NLRP8: variants seen among roughly 807,000 people sequenced by gnomAD.
NLRP8 encodes NLR family pyrin domain containing 8, also known as NACHT, LRR and PYD domains-containing protein 8.
In NLRP8, 86 loss-of-function variants were observed where a neutral mutation model predicts 88.7. The ratio of observed to expected loss-of-function variants is 0.97; its 90% CI spans 0.81 to 1.16. The LOEUF is 1.16. NLRP8 is among the 50% of genes most tolerant of loss of function. The probability of loss-of-function intolerance (pLI) is 0.00; values close to 1 mark genes in which losing one functional copy is unlikely to be tolerated. For synonymous variants in NLRP8, 504 were observed against 494.6 expected, an observed-to-expected ratio of 1.02 and a Z score of -0.25; for missense variants, 1,342 against 1,286.5, an observed-to-expected ratio of 1.04 and a Z score of -0.66.
rs1022876711 is a variant in NLRP8 at position 55,988,445 on chromosome 19, T to C, written c.*532T>C. On this transcript the variant is annotated 3_prime_UTR_variant, in exon 10 of 10. Transcript: ENST00000291971. ...ACATAAATATATATATGTGTGTGTG[T>C]ATATATATATATATATATATATATG... 6.2e-5 allele frequency: 6 copies of C among 97,280 alleles called. No individual in the cohort carries two copies. The highest frequency in any genetic ancestry group is 6.0e-4 in the Admixed American group (5 of 8,322). The allele number at this position is 97,280 out of a possible 1,614,324, so 6.0% of individuals were successfully genotyped here.
At chr19:55,975,253 C>T (rs1241406846) in intron 7 of NLRP8, among the ~76,000 whole-genome samples, 1 of 152,184 alleles carries the variant, frequency 6.6e-6, no homozygotes, top group African/African-American at 2.4e-5. Context: ...TAGTAACTCT[C>T]AGCAAATGTT....
chr19:55,964,997 G>T (rs929392237), intron 4 of NLRP8, among the ~76,000 whole-genome samples: 1 of 152,098 alleles, frequency 6.6e-6, no homozygotes, highest in Non-Finnish European at 1.5e-5. Flanking sequence ...TAGAAAAGGC[G>T]TGTGATGGCC....
intron 6 of NLRP8, among the ~76,000 whole-genome samples, chr19:55,973,266 G>A (rs747713823): frequency 1.1e-4 from 16 of 152,084 alleles, no homozygotes; most frequent in East Asian, 3.9e-4. Context: ...TTGTCTATTC[G>A]TGTCCTTAGC....
intron 3 of NLRP8, among the ~76,000 whole-genome samples, chr19:55,957,711 A>G (rs1600301082): frequency 3.3e-5 from 2 of 60,246 alleles, no homozygotes; most frequent in South Asian, 1.4e-3. Flanking sequence ...ATATATATAT[A>G]TATATATATA....
rs377367824 is a variant in NLRP8, at chr19:55,966,322, G to T, written c.2323G>T (p.Ala775Ser). The T allele has an allele frequency of 6.2e-7, 1 of 1,614,146 alleles. No individual in the cohort carries two copies. Among genetic ancestry groups the T allele is most frequent in the Non-Finnish European group, 8.5e-7 (1 of 1,179,992 alleles). Residue 775 changes from alanine to serine, a missense_variant, in exon 5 of 10, where the codon GCT (alanine) becomes TCT (serine). Ala to Ser is a moderately conservative substitution (Grantham distance 99, BLOSUM62 1). Coordinates refer to ENST00000291971, the MANE Select transcript of NLRP8 (RefSeq NM_176811.2). ...ACAACATGTGGAAGTGGAGTCCAAA[G>T]CTGTGAAGCTTCTATGCAGGGTGCT...
At chr19:55,981,872 G>C (rs1980586763) in intron 9 of NLRP8, among the ~76,000 whole-genome samples, 1 of 151,130 alleles carries the variant, frequency 6.6e-6, no homozygotes, top group African/African-American at 2.4e-5. Context: ...ACAATGTAAT[G>C]ATCAGGTATC....
intron 9 of NLRP8, among the ~76,000 whole-genome samples, chr19:55,982,310 T>C (rs981322828): frequency 3.9e-5 from 6 of 152,122 alleles, no homozygotes; most frequent in African/African-American, 1.4e-4. Context: ...CCCAAAGAAA[T>C]CAGTAAATCA....
intron 8 of NLRP8, among the ~76,000 whole-genome samples, chr19:55,976,849 GT>G (rs1568468297): frequency 6.9e-6 from 1 of 144,546 alleles, no homozygotes; most frequent in South Asian, 2.2e-4. Context: ...GGAGGCTGAG[GT>G]GGGGCGGATC....
At chr19:55,962,866 G>A (rs1979675583) in intron 4 of NLRP8, among the ~76,000 whole-genome samples, 1 of 152,136 alleles carries the variant, frequency 6.6e-6, no homozygotes, top group Non-Finnish European at 1.5e-5. Flanking sequence ...AAGCCCACAG[G>A]ACCGTACCTG....
intron 4 of NLRP8, 80 bp downstream of exon 4, chr19:55,962,317 A>T: frequency 1.4e-6 from 2 of 1,428,998 alleles, no homozygotes. Flanking sequence ...TTCCCTCTCC[A>T]CTCACACTAG....
intron 1 of NLRP8, among the ~76,000 whole-genome samples, chr19:55,950,117 A>G (rs1979024091): frequency 6.6e-6 from 1 of 152,034 alleles, no homozygotes; most frequent in East Asian, 1.9e-4. Flanking sequence ...CCTGATGAAA[A>G]ATACACAGAG....
At chr19:55,965,985 GAA>G (rs1979820119) in intron 4 of NLRP8, among the ~76,000 whole-genome samples, 2 of 152,166 alleles carry the variant, frequency 1.3e-5, no homozygotes, top group South Asian at 4.1e-4. Flanking sequence ...ACTGGATAAA[GAA>G]AATGTAGCCA....
At chr19:55,954,279 C>T (rs1979228280) in intron 2 of NLRP8, among the ~76,000 whole-genome samples, 1 of 152,178 alleles carries the variant, frequency 6.6e-6, no homozygotes, top group Admixed American at 6.5e-5. Flanking sequence ...ATACTTCTCA[C>T]GTAGAAAGCA....
intron 9 of NLRP8, among the ~76,000 whole-genome samples, chr19:55,981,119 A>G (rs896908995): frequency 2.0e-5 from 3 of 152,218 alleles, no homozygotes; most frequent in African/African-American, 7.2e-5. Flanking sequence ...CTGTAGTGGA[A>G]GGAGACTTCC....
At chr19:55,959,312 C>T (rs1979511043) in intron 3 of NLRP8, among the ~76,000 whole-genome samples, 1 of 151,604 alleles carries the variant, frequency 6.6e-6, no homozygotes, top group South Asian at 2.1e-4. Context: ...CCCTGGTTCA[C>T]GCCATTCTCC....
At position 55,947,981 on chromosome 19, in the gene NLRP8, T is replaced by C; in HGVS notation, c.79T>C (p.Trp27Arg). ...CACTCACAGTTCTCATATTCCGCCC[T>C]GGACATTCTCTTGCTACCCCGGCTC... Residue 27 changes from tryptophan (W) to arginine (R), a missense_variant, in exon 1 of 10, where the codon TGG becomes CGG. By Grantham distance (101) the Trp-to-Arg change is moderately radical (BLOSUM62 -3). Transcript: ENST00000291971. 6.2e-7 allele frequency: 1 copy of C among 1,614,058 alleles called. No individual in the cohort carries two copies. The highest frequency in any genetic ancestry group is 1.1e-5 in the South Asian group (1 of 91,080).
intron 5 of NLRP8, among the ~76,000 whole-genome samples, chr19:55,968,843 C>T (rs1306330820): frequency 6.6e-6 from 1 of 152,208 alleles, no homozygotes; most frequent in Admixed American, 6.5e-5. Flanking sequence ...CCACGAGCCA[C>T]TGCTTGCCAG....
Position 55,954,881 on chromosome 19 carries a change from A to G in NLRP8, c.823A>G (p.Met275Val). Reference sequence around the variant, plus strand: ...ATCTCAGGACCTCGTGTCAAAGATTATGTCCAAACCCGACCAACTTCTGCT... The same window carrying G: ...ATCTCAGGACCTCGTGTCAAAGATTGTGTCCAAACCCGACCAACTTCTGCT... Residue 275 changes from methionine (M) to valine (V), a missense_variant, in exon 3 of 10, where the codon ATG becomes GTG. Transcript: ENST00000291971. 6.2e-7 allele frequency: 1 copy of G among 1,614,180 alleles called. No individual in the cohort carries two copies. Among genetic ancestry groups the G allele is most frequent in the Non-Finnish European group, 8.5e-7 (1 of 1,180,048 alleles).
rs1307470539 is a variant in NLRP8, at chr19:55,977,280, A to G, written c.2876+977A>G. 3.4e-5 allele frequency among the ~76,000 whole-genome samples: 5 copies of G among 145,864 alleles called. No homozygotes were observed. The East Asian group carries it at 5.9e-4, about 17-fold the overall frequency. ...CATATGTGTACACATATATGTACAG[A>G]CACATATATACTTATTTTATAAATA... On this transcript the variant is annotated intron_variant, in intron 8 of 9. Transcript: ENST00000291971.
Sources: gnomAD v4.1 joint callset for allele counts (sites outside exome capture counted in the v4.1 genomes callset) on GRCh38, gnomAD v4.1.1 for gene constraint, MANE v1.5 for transcripts, NCBI Gene and HGNC (gene_info 2026-07-23, HGNC 2026-07-21) for gene names.